NELL1: variants seen among roughly 807,000 people sequenced by gnomAD.
NELL1 encodes the protein protein kinase C-binding protein NELL1.
In NELL1, 76 loss-of-function variants were observed where a neutral mutation model predicts 107.4. The ratio of observed to expected loss-of-function variants is 0.71; its 90% CI spans 0.59 to 0.86. The LOEUF (loss-of-function observed/expected upper bound fraction) is 0.86. Ranked by LOEUF, NELL1 falls within the 40% of genes least tolerant of loss-of-function variation. The probability of loss-of-function intolerance (pLI) is 0.00; values close to 1 mark genes in which losing one functional copy is unlikely to be tolerated. For missense variants in NELL1, 1,024 were observed against 1,005.5 expected, an observed-to-expected ratio of 1.02 and a Z score of -0.25; for synonymous variants, 353 against 341.2, an observed-to-expected ratio of 1.03 and a Z score of -0.38.
intron 15 of NELL1, among the ~76,000 whole-genome samples, chr11:21,456,739 G>T (rs906315548): frequency 6.6e-6 from 1 of 152,116 alleles, no homozygotes; most frequent in African/African-American, 2.4e-5. Context: ...ATAAGGCAGG[G>T]CTTGTAGCAG....
chr11:21,036,257 A>G (rs1013826049), intron 12 of NELL1, among the ~76,000 whole-genome samples: 1 of 152,192 alleles, frequency 6.6e-6, no homozygotes, highest in Non-Finnish European at 1.5e-5. Context: ...ATGGAAAAAC[A>G]TCTCATGCTC....
intron 14 of NELL1, among the ~76,000 whole-genome samples, chr11:21,340,109 C>G (rs1280869203): frequency 6.6e-6 from 1 of 152,196 alleles, no homozygotes; most frequent in Non-Finnish European, 1.5e-5. Context: ...GCCAGCTCAT[C>G]ATACACAAGG....
At chr11:21,314,002 C>A (rs963858222) in intron 14 of NELL1, among the ~76,000 whole-genome samples, 10 of 112,416 alleles carry the variant, frequency 8.9e-5, no homozygotes, top group Non-Finnish European at 1.5e-4. Context: ...GCCCCCCCCC[C>A]CCCCCCCGCG....
chr11:21,251,298 A>C (rs570848313), intron 14 of NELL1, among the ~76,000 whole-genome samples: 7 of 152,128 alleles, frequency 4.6e-5, no homozygotes, highest in Non-Finnish European at 1.0e-4. Context: ...GAGATTAGTC[A>C]CAGAATTTCT....
intron 12 of NELL1, among the ~76,000 whole-genome samples, chr11:21,018,707 AC>A (rs1401421844): frequency 6.6e-6 from 1 of 152,210 alleles, no homozygotes; most frequent in African/African-American, 2.4e-5. Context: ...TTGTTTCCCC[AC>A]AAGCTGGTGC....
intron 2 of NELL1, among the ~76,000 whole-genome samples, chr11:20,753,472 G>A (rs1356062276): frequency 6.6e-6 from 1 of 152,124 alleles, no homozygotes; most frequent in Non-Finnish European, 1.5e-5. Flanking sequence ...GGTGGAATCA[G>A]TTCAGTTTGG....
intron 15 of NELL1, among the ~76,000 whole-genome samples, chr11:21,521,299 C>G (rs1369883161): frequency 6.6e-6 from 1 of 152,108 alleles, no homozygotes; most frequent in African/African-American, 2.4e-5. Flanking sequence ...TGTACCTTTT[C>G]TAAATATCGT....
At chr11:21,550,858 T>G (rs1856561612) in intron 16 of NELL1, among the ~76,000 whole-genome samples, 1 of 151,568 alleles carries the variant, frequency 6.6e-6, no homozygotes, top group African/African-American at 2.4e-5. Flanking sequence ...TTTAAAGTAG[T>G]TTTTTCCAAT....
chr11:20,937,848 C>T lies in NELL1; in HGVS notation c.1060C>T (p.Arg354Trp), dbSNP rs8176786. Residue 354 changes from arginine (R) to tryptophan (W), a missense_variant, in exon 10 of 20, where the codon CGG (arginine) becomes TGG (tryptophan). Transcript: ENST00000357134. ...EGQRILTKSC[R>W]ECRGGVLVKI... Reference sequence around the variant, plus strand: ...CCAGCGGATTTTAACCAAGAGCTGTCGGGAATGCCGAGTAAGTGTTAATTT... The same window carrying T: ...CCAGCGGATTTTAACCAAGAGCTGTTGGGAATGCCGAGTAAGTGTTAATTT... 0.047 allele frequency: 75,326 copies of T among 1,613,442 alleles called. 1,955 individuals carry two copies. Among genetic ancestry groups the T allele is most frequent in the East Asian group, 0.085 (3,797 of 44,870 alleles).
intron 12 of NELL1, among the ~76,000 whole-genome samples, chr11:21,070,725 G>A (rs575270578): frequency 6.6e-6 from 1 of 152,160 alleles, no homozygotes; most frequent in East Asian, 1.9e-4. Flanking sequence ...TGTTTCAATA[G>A]TTCATGATGA....
At position 21,069,125 on chromosome 11, in the gene NELL1, G is replaced by A. The variant is rs527734595; in HGVS notation, c.1301-44464G>A. ...GTGAATGTCTGTGTCCATTTGGCAC[G>A]AACAGAAGGCCTTAGAATTTGGACA... On this transcript the variant is annotated intron_variant, in intron 12 of 19. Coordinates refer to ENST00000357134, the MANE Select transcript of NELL1 (RefSeq NM_006157.5). Among the ~76,000 whole-genome samples, 34 of 152,214 alleles carry A rather than the reference G, an allele frequency of 2.2e-4. No homozygotes were observed. In the South Asian group the frequency reaches 5.6e-3, roughly 25 times the overall value.
intron 12 of NELL1, among the ~76,000 whole-genome samples, chr11:21,038,755 C>G (rs544502843): frequency 2.0e-5 from 3 of 152,134 alleles, no homozygotes; most frequent in Non-Finnish European, 4.4e-5. Flanking sequence ...AACAGTGTGG[C>G]CTGTGGACCA....
intron 12 of NELL1, among the ~76,000 whole-genome samples, chr11:21,010,008 G>C (rs1852412524): frequency 6.9e-6 from 1 of 144,766 alleles, no homozygotes; most frequent in African/African-American, 2.6e-5. Flanking sequence ...GGATGTGGCT[G>C]TTTGCTATTC....
intron 15 of NELL1, among the ~76,000 whole-genome samples, chr11:21,476,791 A>C (rs7932253): frequency 6.6e-6 from 1 of 152,120 alleles, no homozygotes; most frequent in East Asian, 1.9e-4. Flanking sequence ...GAATGTACTT[A>C]GGGAAGGGAG....
At chr11:21,237,734 A>G (rs1001261037) in intron 14 of NELL1, among the ~76,000 whole-genome samples, 3 of 151,982 alleles carry the variant, frequency 2.0e-5, no homozygotes, top group African/African-American at 7.2e-5. Context: ...AAAATCATCA[A>G]TCTTTCCTTT....
intron 2 of NELL1, among the ~76,000 whole-genome samples, chr11:20,768,927 G>A (rs1856587683): frequency 6.6e-6 from 1 of 152,162 alleles, no homozygotes; most frequent in Non-Finnish European, 1.5e-5. Flanking sequence ...TAGGGTTGCA[G>A]TAATTTGTCA....
At chr11:21,333,746 T>C in intron 14 of NELL1, among the ~76,000 whole-genome samples, 1 of 152,138 alleles carries the variant, frequency 6.6e-6, no homozygotes, top group East Asian at 1.9e-4. Context: ...ATTGTGTCAC[T>C]TTTCCTTGTC....
At chr11:21,021,243 G>A (rs1852693648) in intron 12 of NELL1, among the ~76,000 whole-genome samples, 1 of 151,046 alleles carries the variant, frequency 6.6e-6, no homozygotes, top group Admixed American at 6.6e-5. Context: ...TACTCTGAAT[G>A]CAACAATGAA....
chr11:21,222,386 C>G lies in NELL1; in HGVS notation c.1427-6946C>G, dbSNP rs537145511. The stretch of plus-strand genomic sequence containing the variant: ...TTGTATTTTTTTTTTTTAGTAGAGA[C>G]GGGGTTTCACCATGTTAGCCAGGAT... On this transcript the variant is annotated intron_variant, in intron 13 of 19. Transcript: ENST00000357134. Among the ~76,000 whole-genome samples the G allele has an allele frequency of 4.4e-3, 665 of 150,748 alleles. 6 individuals carry two copies. The highest frequency in any genetic ancestry group is 7.1e-3 in the Non-Finnish European group (477 of 67,640).
Sources: gnomAD v4.1 joint callset for allele counts (sites outside exome capture counted in the v4.1 genomes callset) on GRCh38, gnomAD v4.1.1 for gene constraint, MANE v1.5 for transcripts, NCBI Gene and HGNC (gene_info 2026-07-23, HGNC 2026-07-21) for gene names.